Variants in GAL observed in about 807,000 individuals in gnomAD.
GAL encodes the protein galanin peptides.
GAL carries 14 observed loss-of-function variants against 15.8 expected under a neutral mutation model. The ratio of observed to expected loss-of-function variants is 0.89; its 90% confidence interval spans 0.59 to 1.39. The LOEUF (loss-of-function observed/expected upper bound fraction) is 1.39. Ranked by LOEUF, GAL falls within the 40% of genes most tolerant of loss-of-function variation. The probability of loss-of-function intolerance (pLI) is 0.00; values close to 1 mark genes in which losing one functional copy is unlikely to be tolerated. For synonymous variants in GAL, 79 were observed against 73.8 expected, an observed-to-expected ratio of 1.07 and a Z score of -0.36; for missense variants, 176 against 170.4, an observed-to-expected ratio of 1.03 and a Z score of -0.18.
chr11:68,685,699 G>T, intron 3 of GAL, 51 bp downstream of exon 3: 1 of 1,354,848 alleles, frequency 7.4e-7, no homozygotes, highest in African/African-American at 1.4e-5. Context: ...CCTGCCCCTC[G>T]CTTTGAACCC....
At chr11:68,689,545 C>T (rs921506787) in intron 5 of GAL, among the ~76,000 whole-genome samples, 2 of 152,104 alleles carry the variant, frequency 1.3e-5, no homozygotes, top group Non-Finnish European at 2.9e-5. Flanking sequence ...AACAGGTGCG[C>T]ACAATTATGC....
chr11:68,687,944 C>T (rs1566303024), intron 3 of GAL, 70 bp from the exon 4 acceptor site: 1 of 950,066 alleles, frequency 1.1e-6, no homozygotes, highest in Non-Finnish European at 1.7e-6. Context: ...GCCCTGTGTC[C>T]TTCTTTGGGT....
At position 68,690,972 on chromosome 11, in the gene GAL, C is replaced by A; in HGVS notation, c.357C>A (p.Asp119Glu). Residue 119 changes from aspartate (D) to glutamate (E), a missense_variant, in exon 6 of 6, where the codon GAC becomes GAA. By Grantham distance (45) the Asp-to-Glu change is conservative. Transcript: ENST00000265643. ...LDLPAAASSEDIERS is the reference protein window; with the variant it reads ...LDLPAAASSEEIERS ...TCCCCGCCGCAGCCTCCTCAGAAGACATCGAGCGGTCCTGAGAGCCTCCTG... is the reference window on the plus strand; with the variant it reads ...TCCCCGCCGCAGCCTCCTCAGAAGAAATCGAGCGGTCCTGAGAGCCTCCTG... 6.2e-7 allele frequency: 1 copy of A among 1,612,032 alleles called. No homozygotes were observed. The highest frequency in any genetic ancestry group is 8.5e-7 in the Non-Finnish European group (1 of 1,178,292).
intron 3 of GAL, among the ~76,000 whole-genome samples, chr11:68,686,702 G>A (rs1195107154): frequency 6.6e-6 from 1 of 152,124 alleles, no homozygotes; most frequent in Non-Finnish European, 1.5e-5. Flanking sequence ...TCTCTGTGCG[G>A]CCCTCTCATC....
intron 1 of GAL, 70 bp downstream of exon 1, chr11:68,684,802 C>T: frequency 1.6e-6 from 1 of 616,682 alleles, no homozygotes; most frequent in Non-Finnish European, 2.9e-6. Context: ...TGCCCAGGGA[C>T]GGTTCTGCCA....
At position 68,685,152 on chromosome 11, in the gene GAL, G is replaced by C. The variant is rs955522988; in HGVS notation, c.81+148G>C. On this transcript the variant is annotated intron_variant, in intron 2 of 5. Transcript: ENST00000265643. Reference sequence around the variant, plus strand: ...GGGCGCTGTCCTGGCTGCGGGCGTCGCGGGAAGGGTCCGGGGCTCCCTGGG... The same window carrying C: ...GGGCGCTGTCCTGGCTGCGGGCGTCCCGGGAAGGGTCCGGGGCTCCCTGGG... 61 of 619,718 alleles carry C rather than the reference G, an allele frequency of 9.8e-5. No individual in the cohort carries two copies. The South Asian group carries it at 1.1e-3, about 11-fold the overall frequency. 38.4% of individuals were successfully genotyped at this position (619,718 alleles called of 1,614,324 possible). A position where few individuals can be genotyped will look rare whatever the true frequency, so the allele number is the denominator to read the frequency against.
intron 3 of GAL, 48 bp downstream of exon 3, chr11:68,685,696 C>T (rs865991869): frequency 1.4e-6 from 2 of 1,405,076 alleles, no homozygotes. Context: ...CCACCTGCCC[C>T]TCGCTTTGAA....
intron 4 of GAL, 50 bp from the exon 5 acceptor site, chr11:68,688,799 A>C (rs775601407): frequency 5.5e-6 from 5 of 906,470 alleles, no homozygotes; most frequent in Non-Finnish European, 9.3e-6. Flanking sequence ...GACCTGAGAC[A>C]CTGAAGCACC....
At chr11:68,685,160 G>T (rs1339652189) in intron 2 of GAL, among the ~76,000 whole-genome samples, 156 bp downstream of exon 2, 1 of 151,920 alleles carries the variant, frequency 6.6e-6, no homozygotes, top group Non-Finnish European at 1.5e-5. Context: ...TCGCGGGAAG[G>T]GTCCGGGGCT....
At chr11:68,690,174 G>A (rs1945892120) in intron 5 of GAL, among the ~76,000 whole-genome samples, 1 of 151,840 alleles carries the variant, frequency 6.6e-6, no homozygotes, top group African/African-American at 2.4e-5. Flanking sequence ...GGGGAGGAGG[G>A]ATGGACCACT....
At chr11:68,688,456 C>T (rs1488480971) in intron 4 of GAL, among the ~76,000 whole-genome samples, 1 of 152,206 alleles carries the variant, frequency 6.6e-6, no homozygotes, top group Non-Finnish European at 1.5e-5. Flanking sequence ...TGGCAAAACC[C>T]TGTCTCTACC....
intron 5 of GAL, among the ~76,000 whole-genome samples, chr11:68,690,453 C>A (rs867604032): frequency 2.0e-5 from 3 of 152,150 alleles, no homozygotes; most frequent in Middle Eastern, 3.4e-3. Flanking sequence ...AAGGAGACTG[C>A]CAGAGAAGGT....
At chr11:68,690,726 T>C (rs939195596) in intron 5 of GAL, among the ~76,000 whole-genome samples, 191 bp from the exon 6 acceptor site, 4 of 152,214 alleles carry the variant, frequency 2.6e-5, no homozygotes, top group Non-Finnish European at 2.9e-5. Flanking sequence ...TTTTAAATGC[T>C]TACTAACTGT....
intron 2 of GAL, 54 bp from the exon 3 acceptor site, chr11:68,685,540 C>G: frequency 7.9e-7 from 1 of 1,271,648 alleles, no homozygotes; most frequent in South Asian, 1.2e-5. Context: ...TGCACCCATT[C>G]AGCATAGGCT....
rs139127322 is a variant in GAL, at chr11:68,690,976, G to A, written c.361G>A (p.Glu121Lys). ...CGCCGCAGCCTCCTCAGAAGACATC[G>A]AGCGGTCCTGAGAGCCTCCTGGGCA... The part of the protein sequence containing the change: ...LPAAASSEDI[E>K]RS The change falls in exon 6 of 6, where the codon GAG becomes AAG. Residue 121 changes from glutamate (E) to lysine (K), a missense_variant. By Grantham distance (56) the Glu-to-Lys change is moderately conservative. Transcript: ENST00000265643. 1,092 of 1,610,068 alleles carry A rather than the reference G, an allele frequency of 6.8e-4. 5 individuals are homozygous for A. In the African/African-American group the frequency reaches 0.013, roughly 19 times the overall value.
chr11:68,684,841 C>T, intron 1 of GAL, 83 bp from the exon 2 acceptor site: 2 of 828,498 alleles, frequency 2.4e-6, no homozygotes, highest in East Asian at 2.7e-5. Context: ...CGCCTCTGCT[C>T]CTCCCCGCAG....
In GAL at chr11:68,688,234, T is replaced by C. The variant is rs181808359; in HGVS notation, c.223+134T>C. The C allele has an allele frequency of 1.1e-4, 74 of 649,156 alleles. No homozygotes were observed. The African/African-American group carries it at 1.2e-3, about 11-fold the overall frequency. The allele number at this position is 649,156 out of a possible 1,614,324, so 40.2% of individuals were successfully genotyped here. On this transcript the variant is annotated intron_variant, in intron 4 of 5. Coordinates refer to ENST00000265643, the MANE Select transcript of GAL (RefSeq NM_015973.5). ...CCTGGCCATGACTTGACTAAGACGATGTGGCCTCGCCACACCTGTCAGCAG... is the reference window on the plus strand; with the variant it reads ...CCTGGCCATGACTTGACTAAGACGACGTGGCCTCGCCACACCTGTCAGCAG...
rs980419800 is a variant in GAL, at chr11:68,690,918, G to A, written c.303G>A (p.Glu101=). The A allele has an allele frequency of 1.2e-6, 2 of 1,610,678 alleles. No homozygotes were observed. The highest frequency in any genetic ancestry group is 1.7e-5 in the Admixed American group (1 of 60,018). The change falls in exon 6 of 6, where the codon GAG becomes GAA. Residue 101 remains glutamate, a splice_region_variant and synonymous_variant. Coordinates refer to ENST00000265643, the MANE Select transcript of GAL (RefSeq NM_015973.5). ...IEFLSFLHLK[E]AGALDRLLDL... Reference sequence around the variant, plus strand: ...CAGATGTGGCTCTTCCCTTTGCAGAGGCCGGTGCCCTCGACCGCCTCCTGG... The same window carrying A: ...CAGATGTGGCTCTTCCCTTTGCAGAAGCCGGTGCCCTCGACCGCCTCCTGG...
Position 68,684,680 on chromosome 11 carries a change from G to C in GAL, c.-53G>C. The C allele has an allele frequency of 2.7e-6, 1 of 375,278 alleles. No homozygotes were observed. Among genetic ancestry groups the C allele is most frequent in the Non-Finnish European group, 4.7e-6 (1 of 210,910 alleles). 23.2% of individuals were successfully genotyped at this position (375,278 alleles called of 1,614,324 possible). On this transcript the variant is annotated 5_prime_UTR_variant, in exon 1 of 6. Transcript: ENST00000265643. ...ACGCCCGGACCTGCCGCCCAGACCC[G>C]CCACCGCACCCGGACCCCGACGCTC...
Sources: gnomAD v4.1 joint callset for allele counts (sites outside exome capture counted in the v4.1 genomes callset) on GRCh38, gnomAD v4.1.1 for gene constraint, MANE v1.5 for transcripts, NCBI Gene and HGNC (gene_info 2026-07-23, HGNC 2026-07-21) for gene names.